The following CCDC171 variants were observed in gnomAD, a reference collection of about 807,000 sequenced individuals.
The protein encoded by CCDC171 is coiled-coil domain-containing protein 171.
CCDC171 carries 177 observed loss-of-function variants against 168.2 expected under a neutral mutation model. The ratio of observed to expected loss-of-function variants is 1.05; its 90% CI spans 0.93 to 1.19. The LOEUF is 1.19. Ranked by LOEUF, CCDC171 falls within the 50% of genes most tolerant of loss-of-function variation. The pLI is 0.00. For missense variants in CCDC171, 1,991 were observed against 1,539.0 expected, an observed-to-expected ratio of 1.29 and a Z score of -4.91; for synonymous variants, 687 against 540.8, an observed-to-expected ratio of 1.27 and a Z score of -3.75.
intron 11 of CCDC171, among the ~76,000 whole-genome samples, chr9:15,713,456 T>A (rs921582201): frequency 6.6e-6 from 1 of 152,160 alleles, no homozygotes; most frequent in Admixed American, 6.5e-5. Flanking sequence ...TATTTGTGCC[T>A]TCGGGACTTT....
At chr9:16,008,085 C>T (rs1008295697) in intron 3 of CCDC171, among the ~76,000 whole-genome samples, 30 of 152,168 alleles carry the variant, frequency 2.0e-4, no homozygotes, top group African/African-American at 6.3e-4. Flanking sequence ...ACTTTAATGA[C>T]GTCAAGTTTA....
At chr9:15,932,440 GATTTCTT>G (rs1290243298) in intron 25 of CCDC171, among the ~76,000 whole-genome samples, 1 of 151,712 alleles carries the variant, frequency 6.6e-6, no homozygotes. Context: ...AAATGCTGCT[GATTTCTT>G]ATATTGATAT....
At chr9:15,617,209 G>T (rs868156288) in intron 6 of CCDC171, among the ~76,000 whole-genome samples, 1 of 152,130 alleles carries the variant, frequency 6.6e-6, no homozygotes, top group Non-Finnish European at 1.5e-5. Context: ...CTCATTCTCT[G>T]TTCAGTTTTG....
Position 15,777,785 on chromosome 9 carries a change from C to T in CCDC171, c.2857C>T (p.Leu953=). 4 of 1,613,010 alleles carry T rather than the reference C, an allele frequency of 2.5e-6. No homozygotes were observed. Among genetic ancestry groups the T allele is most frequent in the Non-Finnish European group, 3.4e-6 (4 of 1,179,754 alleles). The part of the protein sequence containing the change: ...LAHGLHKVNT[L]ALKYGLRGHV... ...CCATGGACTTCATAAAGTAAACACA[C>T]TGGCCCTGAAATATGGTTTGCGTGG... The change falls in exon 19 of 26, where the codon CTG becomes TTG. Residue 953 remains leucine (L), a synonymous_variant. Transcript: ENST00000380701.
At chr9:15,570,727 C>T (rs145372227) in intron 2 of CCDC171, among the ~76,000 whole-genome samples, 441 of 152,272 alleles carry the variant, frequency 2.9e-3, no homozygotes, top group Non-Finnish European at 4.2e-3. Flanking sequence ...TGACTGCCAT[C>T]GTTCTGGCAA....
intron 3 of CCDC171, among the ~76,000 whole-genome samples, chr9:15,988,397 T>C (rs767197294): frequency 6.6e-6 from 1 of 152,198 alleles, no homozygotes; most frequent in Non-Finnish European, 1.5e-5. Flanking sequence ...ATTTGTCTCA[T>C]TATTAACAGT....
At position 15,724,881 on chromosome 9, in the gene CCDC171, A is replaced by T; in HGVS notation, c.1597A>T (p.Asn533Tyr). The T allele has an allele frequency of 6.2e-7, 1 of 1,613,922 alleles. No individual in the cohort carries two copies. ...AAGCACTTTAAAAGTGGAACTACAAAATGTGCTGCACTGTTGGGAGAAAGA... is the reference window on the plus strand; with the variant it reads ...AAGCACTTTAAAAGTGGAACTACAATATGTGCTGCACTGTTGGGAGAAAGA... Reference protein sequence around the residue: ...LISTLKVELQNVLHCWEKEKA... With the variant: ...LISTLKVELQYVLHCWEKEKA... The change falls in exon 14 of 26, where the codon AAT (asparagine) becomes TAT (tyrosine). Residue 533 changes from asparagine (N) to tyrosine (Y), a missense_variant. Physicochemically the swap from Asn to Tyr is moderately radical, Grantham distance 143. Coordinates refer to ENST00000380701, the MANE Select transcript of CCDC171 (RefSeq NM_173550.4).
Position 15,758,263 on chromosome 9 carries a change from A to G in CCDC171, c.2671+12632A>G, listed in dbSNP as rs542651849. 2.0e-5 allele frequency among the ~76,000 whole-genome samples: 3 copies of G among 152,314 alleles called. No homozygotes were observed. The South Asian group carries it at 6.2e-4, about 32-fold the overall frequency. On this transcript the variant is annotated intron_variant, in intron 18 of 25. Coordinates refer to ENST00000380701, the MANE Select transcript of CCDC171 (RefSeq NM_173550.4). Reference sequence around the variant, plus strand: ...AAGACCATGGGAACCCACTTCTTGCATCAGCATGACCTGGATATGAGACCT... The same window carrying G: ...AAGACCATGGGAACCCACTTCTTGCGTCAGCATGACCTGGATATGAGACCT...
chr9:15,779,418 G>C (rs2057537766), intron 20 of CCDC171, among the ~76,000 whole-genome samples: 2 of 151,986 alleles, frequency 1.3e-5, no homozygotes, highest in Non-Finnish European at 2.9e-5. Flanking sequence ...GGAGTGCAGT[G>C]GCACTATCTC....
the CCDC171 span, among the ~76,000 whole-genome samples, chr9:16,069,267 A>ATG: frequency 2.0e-5 from 3 of 152,232 alleles, no homozygotes; most frequent in Non-Finnish European, 2.9e-5. Context: ...GTGTGCAGAT[A>ATG]TGTGTGTGTG....
chr9:15,839,216 A>G (rs984895400), intron 21 of CCDC171, among the ~76,000 whole-genome samples: 4 of 152,196 alleles, frequency 2.6e-5, no homozygotes, highest in African/African-American at 9.7e-5. Flanking sequence ...TGTATCCTTA[A>G]ATAATACTGA....
At chr9:16,021,313 C>G (rs112922202) in intron 4 of CCDC171, among the ~76,000 whole-genome samples, 2,628 of 152,298 alleles carry the variant, frequency 0.017, 75 homozygotes, top group African/African-American at 0.058. Context: ...GTCTCAATCT[C>G]TTGACCTCGT....
chr9:15,767,434 G>T (rs1342423035), intron 18 of CCDC171, among the ~76,000 whole-genome samples: 1 of 152,144 alleles, frequency 6.6e-6, no homozygotes, highest in Non-Finnish European at 1.5e-5. Flanking sequence ...TTGTCATTAT[G>T]TTGGGTCTAC....
chr9:15,921,152 T>G (rs750208665), intron 25 of CCDC171, among the ~76,000 whole-genome samples: 9 of 151,740 alleles, frequency 5.9e-5, no homozygotes, highest in South Asian at 2.1e-4. Flanking sequence ...TACAGTGACT[T>G]ATAAAGAAAA....
At chr9:15,566,754 T>C (rs1176263161) in intron 2 of CCDC171, among the ~76,000 whole-genome samples, 5 of 152,232 alleles carry the variant, frequency 3.3e-5, no homozygotes, top group African/African-American at 1.2e-4. Context: ...CTGACTAACC[T>C]AAGGTCATGA....
chr9:15,585,017 G>C (rs1220349414), intron 4 of CCDC171, among the ~76,000 whole-genome samples: 2 of 152,100 alleles, frequency 1.3e-5, no homozygotes, highest in African/African-American at 4.8e-5. Context: ...TTATTGTCAG[G>C]GAAATGCAAA....
chr9:15,955,004 AT>A (rs550775997), intron 25 of CCDC171, among the ~76,000 whole-genome samples: 2 of 151,576 alleles, frequency 1.3e-5, no homozygotes, highest in African/African-American at 4.8e-5. Context: ...ATGCTTTGTG[AT>A]TTTTTTTGCT....
In CCDC171 at chr9:15,973,170, T is replaced by C. The variant is rs1219734342; in HGVS notation, c.*1334T>C. On this transcript the variant is annotated 3_prime_UTR_variant, in exon 26 of 26. Transcript: ENST00000380701. ...AGAATTTGTTTTTGTATTAATCATT[T>C]AACTCCCTAGTGCTATTAACTTCTG... 1.3e-5 allele frequency: 2 copies of C among 152,220 alleles called. No individual in the cohort carries two copies. Among genetic ancestry groups the C allele is most frequent in the Non-Finnish European group, 2.9e-5 (2 of 68,032 alleles). 9.4% of individuals were successfully genotyped at this position (152,220 alleles called of 1,614,324 possible). A position where few individuals can be genotyped will look rare whatever the true frequency, so the allele number is the denominator to read the frequency against.
intron 7 of CCDC171, among the ~76,000 whole-genome samples, chr9:15,644,337 T>A (rs1187395075): frequency 6.6e-6 from 1 of 152,188 alleles, no homozygotes; most frequent in African/African-American, 2.4e-5. Flanking sequence ...ATGGGTGATT[T>A]CTGTATTTCC....
Sources: allele counts gnomAD v4.1 joint callset (sites outside exome capture counted in the v4.1 genomes callset), GRCh38; gene constraint gnomAD v4.1.1; transcripts MANE v1.5; gene names NCBI Gene and HGNC (gene_info 2026-07-23, HGNC 2026-07-21).